Variants in MAP2K2 observed in about 807,000 individuals in gnomAD.
MAP2K2 encodes the protein mitogen-activated protein kinase kinase 2, also known as dual specificity mitogen-activated protein kinase kinase 2.
A neutral mutation model predicts 43.7 loss-of-function variants in MAP2K2; 24 were observed. That is an observed-to-expected ratio of 0.55 (90% CI 0.40 to 0.77). The LOEUF is 0.77. MAP2K2 is among the 30% of genes least tolerant of loss of function. The probability of loss-of-function intolerance (pLI) is 0.00; values close to 1 mark genes in which losing one functional copy is unlikely to be tolerated. For synonymous variants in MAP2K2, 244 were observed against 239.7 expected, an observed-to-expected ratio of 1.02 and a Z score of -0.17; for missense variants, 470 against 566.8, an observed-to-expected ratio of 0.83 and a Z score of 1.73.
At chr19:4,097,437 C>A (rs1258686959) in intron 7 of MAP2K2, 94 bp from the exon 8 acceptor site, 3 of 895,858 alleles carry the variant, frequency 3.3e-6, no homozygotes, top group Non-Finnish European at 5.6e-6. Flanking sequence ...CCACCAGGCG[C>A]CCTCCTCCAC....
At chr19:4,112,644 C>CCCTGGCGCTG (rs57970016) in intron 2 of MAP2K2, among the ~76,000 whole-genome samples, 5,618 of 152,022 alleles carry the variant, frequency 0.037, 351 homozygotes, top group African/African-American at 0.13. Flanking sequence ...TTGACCGCAG[C>CCCTGGCGCTG]CCTGGCGCTG....
At chr19:4,108,744 G>T (rs2041119629) in intron 3 of MAP2K2, among the ~76,000 whole-genome samples, 1 of 152,116 alleles carries the variant, frequency 6.6e-6, no homozygotes, top group Non-Finnish European at 1.5e-5. Flanking sequence ...TGGGAGGAAG[G>T]GGGCTCGAGA....
chr19:4,102,405 C>T lies in MAP2K2; in HGVS notation c.499G>A (p.Glu167Lys), dbSNP rs1457335620. Residue 167 changes from glutamate to lysine, a missense_variant, in exon 4 of 11, where the codon GAG becomes AAG. Glu to Lys is a moderately conservative substitution (Grantham distance 56, BLOSUM62 1). Coordinates refer to ENST00000262948, the MANE Select transcript of MAP2K2 (RefSeq NM_030662.4). ...ATGCTGACTTTCCCCAGGATCTCCT[C>T]GGGAATCCTCTTGGCCTCTTTCAGC... ...QVLKEAKRIP[E>K]EILGKVSIAV... 1.9e-6 allele frequency: 3 copies of T among 1,605,646 alleles called. No individual in the cohort carries two copies. The highest frequency in any genetic ancestry group is 2.5e-6 in the Non-Finnish European group (3 of 1,177,050).
intron 9 of MAP2K2, chr19:4,094,958 G>C: frequency 2.8e-6 from 1 of 353,748 alleles, no homozygotes; most frequent in Non-Finnish European, 5.3e-6. Context: ...CCCGTGGTCT[G>C]CGGCACATGC....
chr19:4,101,208 G>A lies in MAP2K2; in HGVS notation c.580+21C>T, dbSNP rs2145054894. 1 of 1,593,230 alleles carries A rather than the reference G, an allele frequency of 6.3e-7. No individual in the cohort carries two copies. The highest frequency in any genetic ancestry group is 1.1e-5 in the South Asian group (1 of 87,710). On this transcript the variant is annotated intron_variant, in intron 5 of 10. Transcript: ENST00000262948. The surrounding 1 kb of genome is among the most constrained non-coding windows in gnomAD (Gnocchi z 6.3). ...TGCCTGCCGGCCCCCGGGGCTCTGGGGAGGGCGGGCTGGGCCTTACCTCGG... is the reference window on the plus strand; with the variant it reads ...TGCCTGCCGGCCCCCGGGGCTCTGGAGAGGGCGGGCTGGGCCTTACCTCGG...
intron 10 of MAP2K2, 124 bp from the exon 11 acceptor site, chr19:4,090,832 C>G: frequency 1.4e-6 from 1 of 731,708 alleles, no homozygotes; most frequent in Non-Finnish European, 2.5e-6. Context: ...GAGACCCTCC[C>G]TTCCCCACAG....
At chr19:4,107,578 G>A (rs1423697184) in intron 3 of MAP2K2, among the ~76,000 whole-genome samples, 1 of 150,348 alleles carries the variant, frequency 6.7e-6, no homozygotes, top group African/African-American at 2.5e-5. Context: ...GCGTGCTGGT[G>A]CACCTGTAGT....
chr19:4,096,333 C>G (rs1352791933), intron 8 of MAP2K2, among the ~76,000 whole-genome samples: 1 of 152,212 alleles, frequency 6.6e-6, no homozygotes, highest in Non-Finnish European at 1.5e-5. Flanking sequence ...CAACCCCAGG[C>G]CTAGCCCAGT....
At chr19:4,109,158 C>T (rs571586962) in intron 3 of MAP2K2, among the ~76,000 whole-genome samples, 15 of 152,316 alleles carry the variant, frequency 9.8e-5, no homozygotes, top group Admixed American at 6.5e-4. Context: ...GTGCGGCAGG[C>T]GGTCTGATAC....
intron 1 of MAP2K2, among the ~76,000 whole-genome samples, chr19:4,119,396 AT>A (rs2041266094): frequency 6.6e-6 from 1 of 151,908 alleles, no homozygotes; most frequent in Admixed American, 6.6e-5. Flanking sequence ...TAATTTTTGT[AT>A]TTTTAGTAGA....
Position 4,101,307 on chromosome 19 carries a change from G to A in MAP2K2, c.529-27C>T, listed in dbSNP as rs371369471. On this transcript the variant is annotated intron_variant, in intron 4 of 10. Transcript: ENST00000262948. This position sits in a 1 kb window ranked among gnomAD's most constrained non-coding sequence, Gnocchi z 6.3. The stretch of plus-strand genomic sequence containing the variant: ...TGCAGGGGAGCGCGGAGGGAGTCAC[G>A]GGACAAGGCCACCAGGGCTTAGCTC... The A allele has an allele frequency of 5.7e-6, 9 of 1,565,890 alleles. No homozygotes were observed. The Middle Eastern group carries it at 6.7e-4, about 117-fold the overall frequency.
intron 3 of MAP2K2, among the ~76,000 whole-genome samples, chr19:4,107,587 G>A (rs1177049507): frequency 1.3e-5 from 2 of 149,628 alleles, no homozygotes; most frequent in Non-Finnish European, 3.0e-5. Flanking sequence ...TGCACCTGTA[G>A]TCCCGGCTAC....
intron 4 of MAP2K2, among the ~76,000 whole-genome samples, chr19:4,102,125 G>A (rs1254977526): frequency 6.6e-6 from 1 of 152,160 alleles, no homozygotes. Context: ...GGACCAGTGT[G>A]GCAAACAGAG....
At chr19:4,113,574 A>G (rs2041182570) in intron 2 of MAP2K2, among the ~76,000 whole-genome samples, 1 of 152,170 alleles carries the variant, frequency 6.6e-6, no homozygotes, top group Non-Finnish European at 1.5e-5. Context: ...ATTAGCTGCT[A>G]AGTCAGGACT....
chr19:4,117,934 CTTTTCT>C (rs1293408882), intron 1 of MAP2K2, among the ~76,000 whole-genome samples: 2 of 152,024 alleles, frequency 1.3e-5, no homozygotes, highest in East Asian at 1.9e-4. Context: ...CCGTCTTTTT[CTTTTCT>C]TTTTCTTTTT....
chr19:4,091,796 G>A (rs1428853319), intron 10 of MAP2K2, among the ~76,000 whole-genome samples: 2 of 152,038 alleles, frequency 1.3e-5, no homozygotes, highest in African/African-American at 4.8e-5. Context: ...TTACAGGTGC[G>A]TGCTACCATG....
chr19:4,102,492 G>A (rs2041028612), intron 3 of MAP2K2, 39 bp from the exon 4 acceptor site: 1 of 1,490,260 alleles, frequency 6.7e-7, no homozygotes, highest in Non-Finnish European at 9.2e-7. Flanking sequence ...GCTCTGCGCA[G>A]GTGGCCGGGA....
chr19:4,113,897 G>A (rs545193495), intron 2 of MAP2K2, among the ~76,000 whole-genome samples: 2 of 152,284 alleles, frequency 1.3e-5, no homozygotes, highest in Non-Finnish European at 2.9e-5. Flanking sequence ...CAGCAACCTC[G>A]TAAATCATGG....
rs577250529 is a variant in MAP2K2, at chr19:4,094,588, C to T, written c.1047-90G>A. The T allele has an allele frequency of 2.1e-5, 27 of 1,298,728 alleles. No individual in the cohort carries two copies. The African/African-American group carries it at 3.1e-4, about 15-fold the overall frequency. The allele number at this position is 1,298,728 out of a possible 1,614,324, so 80.5% of individuals were successfully genotyped here. A position where few individuals can be genotyped will look rare whatever the true frequency, so the allele number is the denominator to read the frequency against. ...GGCCCCGGGGCACCCGCGTGTGGGC[C>T]GTGGTCGGAGGGGGCCTGGATCTCT... On this transcript the variant is annotated intron_variant, in intron 9 of 10. Transcript: ENST00000262948.
Sources: gnomAD v4.1 joint callset for allele counts (sites outside exome capture counted in the v4.1 genomes callset) on GRCh38, gnomAD v4.1.1 for gene constraint, Gnocchi (gnomAD v3.1) non-coding constraint, MANE v1.5 for transcripts, NCBI Gene and HGNC (gene_info 2026-07-23, HGNC 2026-07-21) for gene names.